CIB4: variants seen among roughly 807,000 people sequenced by gnomAD.
The protein encoded by CIB4 is calcium and integrin binding family member 4, also known as calcium and integrin-binding family member 4.
In CIB4, 25 loss-of-function variants were observed where a neutral mutation model predicts 25.8. That is an observed-to-expected ratio of 0.97 (90% CI 0.71 to 1.35). The LOEUF is 1.35. CIB4 is among the 40% of genes most tolerant of loss of function. The probability of loss-of-function intolerance (pLI) is 0.00; values close to 1 mark genes in which losing one functional copy is unlikely to be tolerated. For synonymous variants in CIB4, 75 were observed against 81.4 expected (o/e 0.92, Z 0.42); for missense variants, 235 against 228.2 (o/e 1.03, Z -0.19).
intron 3 of CIB4, among the ~76,000 whole-genome samples, chr2:26,602,092 T>A (rs758820219): frequency 6.6e-6 from 1 of 152,216 alleles, no homozygotes; most frequent in Non-Finnish European, 1.5e-5. Flanking sequence ...CCCATAGAAC[T>A]GTACACCACA....
chr2:26,635,869 G>C (rs1424129337), intron 2 of CIB4, among the ~76,000 whole-genome samples: 1 of 152,114 alleles, frequency 6.6e-6, no homozygotes, highest in Non-Finnish European at 1.5e-5. Context: ...GTATGTACTG[G>C]TCTTGTTTGC....
chr2:26,629,267 C>T (rs1456680357), intron 3 of CIB4, 143 bp downstream of exon 3: 13 of 637,198 alleles, frequency 2.0e-5, no homozygotes, highest in East Asian at 1.1e-4. Context: ...ACTCCTCTGC[C>T]TGGAGGATCA....
chr2:26,610,774 C>G (rs1187947758), intron 3 of CIB4, among the ~76,000 whole-genome samples: 1 of 152,276 alleles, frequency 6.6e-6, no homozygotes, highest in African/African-American at 2.4e-5. Flanking sequence ...TACAAGAAAC[C>G]AAGCAGTCAA....
At chr2:26,589,227 C>A (rs1489092092) in intron 4 of CIB4, among the ~76,000 whole-genome samples, 1 of 148,892 alleles carries the variant, frequency 6.7e-6, no homozygotes, top group African/African-American at 2.5e-5. Flanking sequence ...TCCTCCTCCT[C>A]CCCCTCTTCT....
chr2:26,584,226 T>A (rs753119597), intron 4 of CIB4, among the ~76,000 whole-genome samples: 1 of 152,158 alleles, frequency 6.6e-6, no homozygotes, highest in African/African-American at 2.4e-5. Context: ...TATATGGTTG[T>A]CTGCAGCACC....
intron 3 of CIB4, among the ~76,000 whole-genome samples, chr2:26,596,011 G>A: frequency 6.6e-6 from 1 of 152,188 alleles, no homozygotes; most frequent in East Asian, 1.9e-4. Flanking sequence ...GACACAACAT[G>A]TGAGCACGTT....
intron 3 of CIB4, among the ~76,000 whole-genome samples, chr2:26,604,189 G>A (rs1460918296): frequency 1.3e-5 from 2 of 152,034 alleles, no homozygotes; most frequent in Non-Finnish European, 2.9e-5. Flanking sequence ...AGACCAGTCT[G>A]GGCAGTTTAG....
intron 3 of CIB4, among the ~76,000 whole-genome samples, chr2:26,615,443 C>T (rs997806698): frequency 6.6e-6 from 1 of 152,180 alleles, no homozygotes; most frequent in South Asian, 2.1e-4. Context: ...CTCCCTTCAC[C>T]CCTGGCGTGA....
intron 3 of CIB4, among the ~76,000 whole-genome samples, chr2:26,623,964 A>G (rs1039875807): frequency 6.6e-6 from 1 of 152,258 alleles, no homozygotes; most frequent in Non-Finnish European, 1.5e-5. Context: ...ACTTTTAAAT[A>G]CACCAAATCC....
intron 3 of CIB4, among the ~76,000 whole-genome samples, chr2:26,604,548 T>A (rs1360029065): frequency 1.3e-5 from 2 of 152,176 alleles, no homozygotes; most frequent in Non-Finnish European, 2.9e-5. Context: ...AAAAGTCTCT[T>A]ATTCTACTCT....
At chr2:26,615,933 G>A (rs571605313) in intron 3 of CIB4, among the ~76,000 whole-genome samples, 83 of 152,370 alleles carry the variant, frequency 5.4e-4, no homozygotes, top group Admixed American at 1.2e-3. Context: ...AATGCAGGGT[G>A]TGAGCCAGCT....
At chr2:26,637,181 A>G (rs1669550042) in intron 2 of CIB4, among the ~76,000 whole-genome samples, 1 of 152,006 alleles carries the variant, frequency 6.6e-6, no homozygotes, top group Admixed American at 6.6e-5. Flanking sequence ...AGGGAGAGAG[A>G]AGGAATCACA....
intron 4 of CIB4, among the ~76,000 whole-genome samples, chr2:26,585,295 CAG>C (rs1271102498): frequency 6.8e-6 from 1 of 147,834 alleles, no homozygotes; most frequent in Admixed American, 6.6e-5. Context: ...GGGACAGCAG[CAG>C]AGGAGCCACC....
chr2:26,589,848 T>G (rs1238223826), intron 4 of CIB4, among the ~76,000 whole-genome samples: 1 of 152,200 alleles, frequency 6.6e-6, no homozygotes, highest in African/African-American at 2.4e-5. Flanking sequence ...TGGACTTAGC[T>G]GCACTTTGGA....
intron 3 of CIB4, among the ~76,000 whole-genome samples, chr2:26,600,831 C>G (rs1224148073): frequency 6.6e-6 from 1 of 152,108 alleles, no homozygotes; most frequent in African/African-American, 2.4e-5. Context: ...GTCCATTTTG[C>G]AGGACTTGAC....
rs903364664 is a variant in CIB4, at chr2:26,624,294, C to T, written c.186+5116G>A. ...TGGGCAGTGTGAGTCACGCAGCTCCCGTCCTTGCGGCCACAGAGGATGCAG... is the reference window on the plus strand; with the variant it reads ...TGGGCAGTGTGAGTCACGCAGCTCCTGTCCTTGCGGCCACAGAGGATGCAG... On this transcript the variant is annotated intron_variant, in intron 3 of 6. Coordinates refer to ENST00000288861, the MANE Select transcript of CIB4 (RefSeq NM_001029881.3). Among the ~76,000 whole-genome samples, 7 of 152,328 alleles carry T rather than the reference C, an allele frequency of 4.6e-5. No homozygotes were observed. The South Asian group carries it at 8.3e-4, about 18-fold the overall frequency.
rs1187640015 is a variant in CIB4, at chr2:26,589,108, CTCTTCTTCTTCTTCT to C, written c.329-5225_329-5211del. ...CTTCTTCTTCTTCTTCTTCTTCTTC[CTCTTCTTCTTCTTCT>C]TCTTCTTCTTCTTCTTCTCCTTCCC... is the stretch of plus-strand genomic sequence containing the variant. On this transcript the variant is annotated intron_variant, in intron 4 of 6. Coordinates refer to ENST00000288861, the MANE Select transcript of CIB4 (RefSeq NM_001029881.3). 3.5e-4 allele frequency among the ~76,000 whole-genome samples: 24 copies of C among 67,818 alleles called. 1 individual carries two copies. Among genetic ancestry groups the C allele is most frequent in the African/African-American group, 1.3e-3 (19 of 14,772 alleles). The allele number at this position is 67,818 out of a possible 152,430, so 44.5% of individuals were successfully genotyped here. A position where few individuals can be genotyped will look rare whatever the true frequency, so the allele number is the denominator to read the frequency against.
chr2:26,602,538 A>G (rs1412987852), intron 3 of CIB4, among the ~76,000 whole-genome samples: 3 of 152,232 alleles, frequency 2.0e-5, no homozygotes, highest in East Asian at 1.9e-4. Context: ...AGAGACATCA[A>G]TATGAACTAA....
chr2:26,628,437 A>G (rs528179019), intron 3 of CIB4, among the ~76,000 whole-genome samples: 4 of 152,166 alleles, frequency 2.6e-5, no homozygotes, highest in Non-Finnish European at 4.4e-5. Context: ...AAGGTTTGCC[A>G]AGGACCCATC....
Sources: allele counts gnomAD v4.1 joint callset (sites outside exome capture counted in the v4.1 genomes callset), GRCh38; gene constraint gnomAD v4.1.1; transcripts MANE v1.5; gene names NCBI Gene and HGNC (gene_info 2026-07-23, HGNC 2026-07-21).